EXOC4: variants seen among roughly 807,000 people sequenced by gnomAD.
EXOC4 encodes SEC8-like 1.
A neutral mutation model predicts 107.2 loss-of-function variants in EXOC4; 71 were observed. The ratio of observed to expected loss-of-function variants is 0.66; its 90% CI spans 0.55 to 0.81. The LOEUF (loss-of-function observed/expected upper bound fraction) is 0.81, where lower values mean the gene tolerates loss of function less well. EXOC4 is among the 30% of genes least tolerant of loss of function. EXOC4 has a pLI of 0.00. For missense variants in EXOC4, 1,108 were observed against 1,189.6 expected, an observed-to-expected ratio of 0.93 and a Z score of 1.01; for synonymous variants, 456 against 441.2, an observed-to-expected ratio of 1.03 and a Z score of -0.42.
chr7:133,910,096 A>G (rs1465676965), intron 12 of EXOC4, among the ~76,000 whole-genome samples: 1 of 148,312 alleles, frequency 6.7e-6, no homozygotes, highest in Non-Finnish European at 1.5e-5. Flanking sequence ...GCTAATTTGT[A>G]TTTTTAGTAG....
At chr7:133,278,813 A>G (rs1376159592) in intron 2 of EXOC4, among the ~76,000 whole-genome samples, 1 of 151,918 alleles carries the variant, frequency 6.6e-6, no homozygotes, top group Non-Finnish European at 1.5e-5. Flanking sequence ...GATGTGGCTA[A>G]CATCTTTTTT....
intron 10 of EXOC4, among the ~76,000 whole-genome samples, chr7:133,790,019 C>T (rs1476118): frequency 0.1 from 15,439 of 152,156 alleles, 899 homozygotes; most frequent in Middle Eastern, 0.14. Flanking sequence ...ACAAACCTGA[C>T]GCCAGTAGTG....
chr7:133,416,310 T>G (rs1387641911), intron 7 of EXOC4, among the ~76,000 whole-genome samples: 1 of 152,142 alleles, frequency 6.6e-6, no homozygotes, highest in African/African-American at 2.4e-5. Flanking sequence ...TGTGAACAGT[T>G]TGAAATTTCA....
chr7:133,970,320 C>T (rs1030843217), intron 14 of EXOC4, among the ~76,000 whole-genome samples: 5 of 151,956 alleles, frequency 3.3e-5, no homozygotes, highest in African/African-American at 1.2e-4. Context: ...CCACTTGGCT[C>T]CCTGGCTTCA....
At chr7:133,698,998 G>A (rs1299896698) in intron 10 of EXOC4, among the ~76,000 whole-genome samples, 1 of 152,108 alleles carries the variant, frequency 6.6e-6, no homozygotes, top group Admixed American at 6.5e-5. Flanking sequence ...CTTTCTAGAA[G>A]TAATGTTATT....
intron 5 of EXOC4, among the ~76,000 whole-genome samples, chr7:133,339,164 C>T (rs1481058121): frequency 6.6e-6 from 1 of 152,144 alleles, no homozygotes; most frequent in East Asian, 1.9e-4. Context: ...AATAATGGAT[C>T]CCAACTCCAT....
At chr7:133,682,539 T>G (rs1013310926) in intron 10 of EXOC4, among the ~76,000 whole-genome samples, 2 of 152,188 alleles carry the variant, frequency 1.3e-5, no homozygotes, top group Admixed American at 6.5e-5. Flanking sequence ...TTCCCAGTTT[T>G]GGGTATATCT....
chr7:133,586,553 G>A (rs571218168), intron 9 of EXOC4, among the ~76,000 whole-genome samples: 1 of 152,208 alleles, frequency 6.6e-6, no homozygotes, highest in South Asian at 2.1e-4. Flanking sequence ...GAATGTCTTT[G>A]CTTTTGTGAA....
At chr7:133,495,317 TTC>T (rs1799452018) in intron 9 of EXOC4, among the ~76,000 whole-genome samples, 3 of 152,062 alleles carry the variant, frequency 2.0e-5, no homozygotes, top group Non-Finnish European at 4.4e-5. Context: ...ATCTTTTCTG[TTC>T]TTTCTCCCCT....
At chr7:133,882,288 G>A (rs144573822) in intron 11 of EXOC4, among the ~76,000 whole-genome samples, 4 of 152,206 alleles carry the variant, frequency 2.6e-5, no homozygotes, top group African/African-American at 9.6e-5. Flanking sequence ...TCTAGACTTG[G>A]CCTTGAACAT....
Position 133,578,241 on chromosome 7 carries a change from T to C in EXOC4, c.1418-51804T>C, listed in dbSNP as rs866719447. On this transcript the variant is annotated intron_variant, in intron 9 of 17. Coordinates refer to ENST00000253861, the MANE Select transcript of EXOC4 (RefSeq NM_021807.4). ...AGTTTCACCTCTCATCTTAGACTTA[T>C]CGGGATTTTTATGAATGTACCTGAC... 2.0e-4 allele frequency among the ~76,000 whole-genome samples: 30 copies of C among 152,154 alleles called. 1 individual carries two copies. Among genetic ancestry groups the C allele is most frequent in the African/African-American group, 7.2e-4 (30 of 41,446 alleles).
chr7:133,572,218 T>C (rs1426281263), intron 9 of EXOC4, among the ~76,000 whole-genome samples: 2 of 152,248 alleles, frequency 1.3e-5, no homozygotes, highest in Non-Finnish European at 1.5e-5. Context: ...AGAGGTTCTT[T>C]ACTGCACCAC....
intron 10 of EXOC4, among the ~76,000 whole-genome samples, chr7:133,762,095 C>CT (rs1416371791): frequency 6.6e-6 from 1 of 152,096 alleles, no homozygotes; most frequent in African/African-American, 2.4e-5. Context: ...AGGCAGAGCT[C>CT]TGAGTGGAAT....
intron 2 of EXOC4, among the ~76,000 whole-genome samples, chr7:133,285,929 T>G (rs1794266274): frequency 6.6e-6 from 1 of 152,072 alleles, no homozygotes; most frequent in African/African-American, 2.4e-5. Context: ...CCGGCTGATT[T>G]TTTAATTTAT....
chr7:133,417,413 A>C lies in EXOC4; in HGVS notation c.1182+42411A>C, dbSNP rs555041030. On this transcript the variant is annotated intron_variant, in intron 7 of 17. Transcript: ENST00000253861. ...GAAGGTCTGACTGCGTGTCAACTGA[A>C]ACCTTTTTTACACTTAAGGTGTTAA... is the stretch of plus-strand genomic sequence containing the variant. 6.6e-5 allele frequency among the ~76,000 whole-genome samples: 10 copies of C among 152,298 alleles called. No homozygotes were observed. The Middle Eastern group carries it at 0.014, about 207-fold the overall frequency.
chr7:133,870,812 T>C (rs12532774), intron 11 of EXOC4, among the ~76,000 whole-genome samples: 1 of 152,212 alleles, frequency 6.6e-6, no homozygotes, highest in Non-Finnish European at 1.5e-5. Flanking sequence ...ATTCTTCAAG[T>C]TAGAGTGGGT....
chr7:133,433,609 G>T (rs566133707), intron 7 of EXOC4, among the ~76,000 whole-genome samples: 1 of 152,170 alleles, frequency 6.6e-6, no homozygotes, highest in Non-Finnish European at 1.5e-5. Flanking sequence ...GAGGTGGTTT[G>T]TTACTCAGTA....
intron 11 of EXOC4, among the ~76,000 whole-genome samples, chr7:133,817,917 A>G (rs1797413696): frequency 6.6e-6 from 1 of 152,196 alleles, no homozygotes; most frequent in South Asian, 2.1e-4. Flanking sequence ...CCCAACTTCA[A>G]TTACCAGCAG....
intron 13 of EXOC4, among the ~76,000 whole-genome samples, chr7:133,923,646 G>A (rs1799988275): frequency 2.0e-5 from 3 of 152,074 alleles, no homozygotes; most frequent in Admixed American, 2.0e-4. Flanking sequence ...TTGCATATCT[G>A]GATGTAACAT....
Sources: gnomAD v4.1 joint callset for allele counts (sites outside exome capture counted in the v4.1 genomes callset) on GRCh38, gnomAD v4.1.1 for gene constraint, MANE v1.5 for transcripts, NCBI Gene and HGNC (gene_info 2026-07-23, HGNC 2026-07-21) for gene names.